The following KLF8 variants were observed in gnomAD, a reference collection of about 807,000 sequenced individuals.
The protein encoded by KLF8 is Krueppel-like factor 8.
In KLF8, 10 loss-of-function variants were observed where a neutral mutation model predicts 18.2. The ratio of observed to expected loss-of-function variants is 0.55; its 90% CI spans 0.34 to 0.93. The LOEUF (loss-of-function observed/expected upper bound fraction) is 0.93. KLF8 is among the 40% of genes least tolerant of loss of function. The pLI is 0.02. For synonymous variants in KLF8, 109 were observed against 97.3 expected (o/e 1.12, Z -0.71); for missense variants, 264 against 277.9 (o/e 0.95, Z 0.36).
the KLF8 span, among the ~76,000 whole-genome samples, chrX:56,209,438 T>C: frequency 1.8e-5 from 2 of 111,111 alleles, no homozygotes; most frequent in Non-Finnish European, 3.8e-5. Flanking sequence ...TTGGAGAGTT[T>C]AGTCCATTTA....
the KLF8 span, among the ~76,000 whole-genome samples, chrX:55,972,314 T>C: frequency 9.0e-6 from 1 of 111,074 alleles, no homozygotes; most frequent in Non-Finnish European, 1.9e-5. Context: ...TTCTCAGTTA[T>C]TTGTGGGAGC....
chrX:56,188,559 C>A, the KLF8 span, among the ~76,000 whole-genome samples: 1 of 111,811 alleles, frequency 8.9e-6, no homozygotes, highest in African/African-American at 3.3e-5. Flanking sequence ...GACGCATCAC[C>A]AAGTCAATCC....
At chrX:56,171,907 C>T in the KLF8 span, among the ~76,000 whole-genome samples, 3 of 111,176 alleles carry the variant, frequency 2.7e-5, no homozygotes, top group Non-Finnish European at 5.7e-5. Flanking sequence ...ATGGCTGGGA[C>T]AAATGGTATT....
At chrX:56,213,314 C>CTTTTTTTT in the KLF8 span, among the ~76,000 whole-genome samples, 3 of 12,016 alleles carry the variant, frequency 2.5e-4, no homozygotes, top group Non-Finnish European at 4.9e-4. Flanking sequence ...CTTTTCTTTT[C>CTTTTTTTT]TTTTTTTTTT....
rs1230219059 is a variant in KLF8 at position 56,270,377 on chromosome X, C to G, written c.898+56C>G. On this transcript the variant is annotated intron_variant, in intron 5 of 5. Coordinates refer to ENST00000468660, the MANE Select transcript of KLF8 (RefSeq NM_007250.5). ...ACACACACACACACACACACACACA[C>G]ACACGAGAGAGAGAGAGAGAGAGGG... 28 of 974,210 alleles carry G rather than the reference C, an allele frequency of 2.9e-5. 1 individual carries two copies. In the African/African-American group the frequency reaches 1.2e-3, roughly 42 times the overall value. The allele number at this position is 974,210 out of a possible 1,213,427, so 80.3% of individuals were successfully genotyped here.
the KLF8 span, among the ~76,000 whole-genome samples, chrX:56,075,427 AT>A: frequency 9.0e-6 from 1 of 111,002 alleles, no homozygotes; most frequent in Non-Finnish European, 1.9e-5. Flanking sequence ...GGCACATGAG[AT>A]GTTTTGATAC....
the KLF8 span, among the ~76,000 whole-genome samples, chrX:56,150,286 T>A: frequency 2.7e-5 from 3 of 111,809 alleles, no homozygotes; most frequent in Non-Finnish European, 5.6e-5. Context: ...TAGATGAATC[T>A]GGAGCTTTAT....
the KLF8 span, among the ~76,000 whole-genome samples, chrX:55,934,601 C>T: frequency 8.9e-6 from 1 of 112,177 alleles, no homozygotes; most frequent in African/African-American, 3.2e-5. Flanking sequence ...TATTTAGTTG[C>T]TCTCTATTTA....
chrX:55,983,441 T>G, the KLF8 span, among the ~76,000 whole-genome samples: 1 of 111,746 alleles, frequency 8.9e-6, no homozygotes, highest in Non-Finnish European at 1.9e-5. Context: ...CTTACCTAAC[T>G]AATGCCACCA....
chrX:56,111,596 T>C, the KLF8 span, among the ~76,000 whole-genome samples: 1 of 111,641 alleles, frequency 9.0e-6, no homozygotes, highest in Non-Finnish European at 1.9e-5. Flanking sequence ...AAAGGGCAAA[T>C]ATCCAGAATC....
chrX:56,005,998 A>G, the KLF8 span, among the ~76,000 whole-genome samples: 1 of 112,691 alleles, frequency 8.9e-6, no homozygotes, highest in Admixed American at 9.3e-5. Flanking sequence ...GCGGAGGCCA[A>G]CAGACAGGGG....
intron 3 of KLF8, chrX:56,266,970 T>C (rs2066980954): frequency 1.3e-6 from 1 of 751,416 alleles, no homozygotes; most frequent in Admixed American, 8.9e-5. Flanking sequence ...TATTTTGAGA[T>C]GTGATATCCA....
At chrX:56,151,556 C>T in the KLF8 span, among the ~76,000 whole-genome samples, 1 of 110,459 alleles carries the variant, frequency 9.1e-6, no homozygotes, top group Non-Finnish European at 1.9e-5. Context: ...GATTTTTGGG[C>T]TTGTGTAACT....
chrX:56,023,901 GT>G, the KLF8 span, among the ~76,000 whole-genome samples: 1 of 111,351 alleles, frequency 9.0e-6, no homozygotes, highest in Admixed American at 9.6e-5. Flanking sequence ...ATTTATTTAG[GT>G]TGTTTCTAGT....
the KLF8 span, among the ~76,000 whole-genome samples, chrX:56,207,116 G>A: frequency 8.9e-6 from 1 of 112,475 alleles, no homozygotes; most frequent in African/African-American, 3.2e-5. Context: ...AAGCAGCAAG[G>A]CCCTGGGCCC....
At chrX:56,058,295 T>TACAC in the KLF8 span, among the ~76,000 whole-genome samples, 1 of 67,538 alleles carries the variant, frequency 1.5e-5, no homozygotes, top group African/African-American at 5.6e-5. Flanking sequence ...TATATATATA[T>TACAC]ATATATATAT....
the KLF8 span, among the ~76,000 whole-genome samples, chrX:55,954,683 A>G: frequency 1.8e-5 from 2 of 112,259 alleles, no homozygotes; most frequent in Non-Finnish European, 3.8e-5. Flanking sequence ...CCACATATTG[A>G]TATCTACTAA....
chrX:56,184,634 C>A, the KLF8 span, among the ~76,000 whole-genome samples: 2 of 111,798 alleles, frequency 1.8e-5, no homozygotes, highest in South Asian at 7.5e-4. Context: ...CGAGTAGCGG[C>A]AGACTGACAC....
chrX:55,909,883 T>C, the KLF8 span, among the ~76,000 whole-genome samples: 3 of 112,298 alleles, frequency 2.7e-5, no homozygotes, highest in Non-Finnish European at 5.6e-5. Context: ...GAAGAGCTGG[T>C]GTGGCAGAAA....
Sources: gnomAD v4.1 joint callset for allele counts (sites outside exome capture counted in the v4.1 genomes callset) on GRCh38, gnomAD v4.1.1 for gene constraint, MANE v1.5 for transcripts, NCBI Gene and HGNC (gene_info 2026-07-23, HGNC 2026-07-21) for gene names.